The following THNSL1 variants were observed in gnomAD, a reference collection of about 807,000 sequenced individuals.
The protein encoded by THNSL1 is threonine synthase-like 1.
In THNSL1, 48 loss-of-function variants were observed where a neutral mutation model predicts 50.4. The observed-to-expected ratio is 0.95, with a 90% CI of 0.76 to 1.21. The LOEUF (loss-of-function observed/expected upper bound fraction) is 1.21, where lower values mean the gene tolerates loss of function less well. Among genes scored for constraint, THNSL1 ranks in the 50% most tolerant of loss-of-function variants. THNSL1 has a pLI of 0.00. For missense variants in THNSL1, 896 were observed against 871.7 expected, an observed-to-expected ratio of 1.03 and a Z score of -0.35; for synonymous variants, 309 against 306.1, an observed-to-expected ratio of 1.01 and a Z score of -0.10.
chr10:24,972,940 T>C, the THNSL1 span, among the ~76,000 whole-genome samples: 1 of 152,186 alleles, frequency 6.6e-6, no homozygotes, highest in Non-Finnish European at 1.5e-5. Context: ...CTTTATATAC[T>C]ACATATTTTT....
chr10:24,996,542 G>C, the THNSL1 span, among the ~76,000 whole-genome samples: 1 of 151,922 alleles, frequency 6.6e-6, no homozygotes, highest in Non-Finnish European at 1.5e-5. Context: ...TCTTCAGTTT[G>C]ATCATTCCCA....
At chr10:25,019,429 G>C (rs1169512381) in intron 1 of THNSL1, among the ~76,000 whole-genome samples, 1 of 152,174 alleles carries the variant, frequency 6.6e-6, no homozygotes, top group Admixed American at 6.5e-5. Context: ...AGCCAAGATT[G>C]TGCCACTGCA....
chr10:24,969,163 G>A, the THNSL1 span, among the ~76,000 whole-genome samples: 9 of 152,106 alleles, frequency 5.9e-5, no homozygotes, highest in African/African-American at 1.9e-4. Context: ...CGAAGTGCTG[G>A]GATTACAGGA....
chr10:25,020,338 A>T (rs942553954), intron 1 of THNSL1, among the ~76,000 whole-genome samples: 1 of 152,018 alleles, frequency 6.6e-6, no homozygotes, highest in East Asian at 1.9e-4. Context: ...ACAAGAGGGT[A>T]GAGGGGAACT....
the THNSL1 span, among the ~76,000 whole-genome samples, chr10:24,974,742 T>C: frequency 6.6e-6 from 1 of 152,346 alleles, no homozygotes; most frequent in East Asian, 1.9e-4. Context: ...ATTTTTATGT[T>C]ATAAAATATT....
the THNSL1 span, among the ~76,000 whole-genome samples, chr10:24,994,594 G>T: frequency 6.6e-6 from 1 of 152,144 alleles, no homozygotes; most frequent in South Asian, 2.1e-4. Context: ...CTTCTAAAGT[G>T]CTGGGATTAC....
Position 25,026,399 on chromosome 10 carries a change from A to G in THNSL1, c.*944A>G, listed in dbSNP as rs1235498854. On this transcript the variant is annotated 3_prime_UTR_variant, in exon 3 of 3. Transcript: ENST00000376356. ...ACAGAAATGATCTATTTCAAGAGGAAGGTTTTCCAAAATTAAGAGTACTTG... is the reference window on the plus strand; with the variant it reads ...ACAGAAATGATCTATTTCAAGAGGAGGGTTTTCCAAAATTAAGAGTACTTG... The G allele has an allele frequency of 6.0e-6, 1 of 167,046 alleles. No individual in the cohort carries two copies. The highest frequency in any genetic ancestry group is 1.5e-5 in the Non-Finnish European group (1 of 68,116). The allele number at this position is 167,046 out of a possible 1,614,324, so 10.3% of individuals were successfully genotyped here.
the THNSL1 span, chr10:24,999,530 T>C: frequency 6.2e-7 from 1 of 1,608,920 alleles, no homozygotes; most frequent in Non-Finnish European, 8.5e-7. Flanking sequence ...ACAGTTGCCT[T>C]AAAAATGGAT....
Position 25,025,438 on chromosome 10 carries a change from C to G in THNSL1, c.2215C>G (p.Gln739Glu). ...GAAGAGTCATGTGGAACAACTTGTC[C>G]AAAATCAATTCATATGAAAGCTTTC... is the stretch of plus-strand genomic sequence containing the variant. ...VLKSHVEQLV[Q>E]NQFI The change falls in exon 3 of 3, where the codon CAA becomes GAA. Residue 739 changes from glutamine to glutamate, a missense_variant. Gln to Glu is a conservative substitution (Grantham distance 29). Transcript: ENST00000376356. 6.2e-7 allele frequency: 1 copy of G among 1,602,824 alleles called. No individual in the cohort carries two copies. Among genetic ancestry groups the G allele is most frequent in the Non-Finnish European group, 8.5e-7 (1 of 1,176,010 alleles).
At chr10:24,953,479 CT>C in the THNSL1 span, 1 of 152,234 alleles carries the variant, frequency 6.6e-6, no homozygotes, top group Non-Finnish European at 1.5e-5. Flanking sequence ...CAGGTTGCAG[CT>C]TTACTAAAGC....
At chr10:24,997,170 T>C in the THNSL1 span, among the ~76,000 whole-genome samples, 5 of 152,100 alleles carry the variant, frequency 3.3e-5, no homozygotes, top group Non-Finnish European at 5.9e-5. Context: ...GCTTTCATCA[T>C]GCCTGTGAAT....
the THNSL1 span, among the ~76,000 whole-genome samples, chr10:24,991,441 G>A: frequency 1.1e-4 from 16 of 151,554 alleles, no homozygotes; most frequent in Non-Finnish European, 2.2e-4. Flanking sequence ...ACAAATGGCT[G>A]GACGTCGAGA....
rs1850763728 is a variant in THNSL1 at position 25,023,370 on chromosome 10, C to G, written c.147C>G (p.Thr49=). 1.2e-6 allele frequency: 2 copies of G among 1,614,066 alleles called. No homozygotes were observed. The highest frequency in any genetic ancestry group is 1.3e-5 in the African/African-American group (1 of 75,008). Residue 49 remains threonine (T), a synonymous_variant, in exon 3 of 3, where the codon ACC becomes ACG. Transcript: ENST00000376356. ...LAELRKSWYS[T]HSLVGDKNII... ...AATTGAGGAAGTCATGGTATTCAAC[C>G]CACTCTCTTGTTGGAGACAAAAATA...
chr10:24,964,341 G>A, the THNSL1 span, among the ~76,000 whole-genome samples: 8 of 152,290 alleles, frequency 5.3e-5, no homozygotes, highest in Non-Finnish European at 7.4e-5. Flanking sequence ...TAGACAGTAG[G>A]TCTGTAGCTC....
upstream of THNSL1, chr10:25,016,080 C>A (rs548129756): frequency 6.4e-5 from 89 of 1,387,238 alleles, no homozygotes; most frequent in Non-Finnish European, 7.9e-5. Context: ...CATCGTCCCC[C>A]TTTAACCCCC....
At chr10:24,969,251 T>C in the THNSL1 span, among the ~76,000 whole-genome samples, 1 of 152,238 alleles carries the variant, frequency 6.6e-6, no homozygotes, top group Non-Finnish European at 1.5e-5. Flanking sequence ...AGTAAGCCCA[T>C]GCTACTCCTT....
At chr10:24,963,969 G>T in the THNSL1 span, among the ~76,000 whole-genome samples, 5 of 152,048 alleles carry the variant, frequency 3.3e-5, no homozygotes, top group South Asian at 1.0e-3. Context: ...TTTGTAAAAC[G>T]CCATGAATTT....
the THNSL1 span, among the ~76,000 whole-genome samples, chr10:25,010,156 T>C: frequency 1.4e-4 from 21 of 152,114 alleles, no homozygotes; most frequent in Admixed American, 1.2e-3. Flanking sequence ...AGAATGTTGA[T>C]AGCAATAAAG....
At chr10:24,953,514 T>G in the THNSL1 span, 1 of 152,298 alleles carries the variant, frequency 6.6e-6, no homozygotes, top group Non-Finnish European at 1.5e-5. Context: ...TGATTAGAAA[T>G]CCTTCTTGTA....
Sources: gnomAD v4.1 joint callset for allele counts (sites outside exome capture counted in the v4.1 genomes callset) on GRCh38, gnomAD v4.1.1 for gene constraint, MANE v1.5 for transcripts, NCBI Gene and HGNC (gene_info 2026-07-23, HGNC 2026-07-21) for gene names.